Variants in HSPG2 observed in about 807,000 individuals in gnomAD.
The protein encoded by HSPG2 is heparan sulfate proteoglycan 2.
Under a neutral mutation model 526.6 loss-of-function variants are expected in HSPG2, and 278 were observed. The ratio of observed to expected loss-of-function variants is 0.53; its 90% CI spans 0.48 to 0.58. The LOEUF is 0.58. HSPG2 is among the 20% of genes least tolerant of loss of function. The probability of loss-of-function intolerance (pLI) is 0.00; values close to 1 mark genes in which losing one functional copy is unlikely to be tolerated. For missense variants in HSPG2, 5,354 were observed against 6,099.5 expected, an observed-to-expected ratio of 0.88 and a Z score of 4.07; for synonymous variants, 2,465 against 2,555.4, an observed-to-expected ratio of 0.96 and a Z score of 1.07.
rs757496076 is a variant in HSPG2, at chr1:21,841,088, GC to G, written c.9513+12del. On this transcript the variant is annotated intron_variant, in intron 71 of 96. Transcript: ENST00000374695. ...ACTGGGCCTCAGACCCAGAGAGGCA[GC>G]CCCGGCTTCACCTGCAGCACCGCGT... is the stretch of plus-strand genomic sequence containing the variant. 1.3e-6 allele frequency: 2 copies of G among 1,585,544 alleles called. No homozygotes were observed. Among genetic ancestry groups the G allele is most frequent in the South Asian group, 2.3e-5 (2 of 87,964 alleles).
At chr1:21,924,753 C>T (rs1347972603) in intron 1 of HSPG2, among the ~76,000 whole-genome samples, 2 of 152,080 alleles carry the variant, frequency 1.3e-5, no homozygotes, top group African/African-American at 4.8e-5. Context: ...TGGCAGCAAG[C>T]GAGTGTCTTC....
At position 21,920,632 on chromosome 1, in the gene HSPG2, G is replaced by C. The variant is rs10917063; in HGVS notation, c.63+16523C>G. 7.6e-3 allele frequency among the ~76,000 whole-genome samples: 1,150 copies of C among 152,292 alleles called. 15 individuals are homozygous for C. The highest frequency in any genetic ancestry group is 0.026 in the African/African-American group (1,079 of 41,562). On this transcript the variant is annotated intron_variant, in intron 1 of 96. Coordinates refer to ENST00000374695, the MANE Select transcript of HSPG2 (RefSeq NM_005529.7). ...CGTACTCTCTCTGCAACCTCAGCCT[G>C]CCTGCTTCACACATTCCTGTTGGAG...
At position 21,876,606 on chromosome 1, in the gene HSPG2, A is replaced by C; in HGVS notation, c.2732T>G (p.Phe911Cys). Residue 911 changes from phenylalanine to cysteine, a missense_variant, in exon 22 of 97, where the codon TTC becomes TGC. Transcript: ENST00000374695. ...RLCNECADGS[F>C]HLSTRNPDGC... ...ATCGGGGTTTCGGGTACTCAGGTGG[A>C]AAGAGCCGTCAGCACATTCATTGCA... is the stretch of plus-strand genomic sequence containing the variant. 1 of 1,614,244 alleles carries C rather than the reference A, an allele frequency of 6.2e-7. No homozygotes were observed. The highest frequency in any genetic ancestry group is 8.5e-7 in the Non-Finnish European group (1 of 1,180,046).
In HSPG2 at chr1:21,874,023, G is replaced by A. The variant is rs1174997107; in HGVS notation, c.3657-12C>T. 1 of 1,592,212 alleles carries A rather than the reference G, an allele frequency of 6.3e-7. No individual in the cohort carries two copies. Among genetic ancestry groups the A allele is most frequent in the Admixed American group, 1.7e-5 (1 of 57,266 alleles). The stretch of plus-strand genomic sequence containing the variant: ...AAGTGTGGGCAGCCCTGAGTGTGGG[G>A]GCAGATTTCTAGTCAGGAACGCAGT... On this transcript the variant is annotated splice_polypyrimidine_tract_variant and intron_variant, in intron 28 of 96. Coordinates refer to ENST00000374695, the MANE Select transcript of HSPG2 (RefSeq NM_005529.7).
rs920692698 is a variant in HSPG2, at chr1:21,895,108, G to A, written c.244+814C>T. Among the ~76,000 whole-genome samples the A allele has an allele frequency of 2.1e-5, 3 of 142,654 alleles. No individual in the cohort carries two copies. The highest frequency in any genetic ancestry group is 7.1e-5 in the Admixed American group (1 of 14,146). The allele number at this position is 142,654 out of a possible 152,430, so 93.6% of individuals were successfully genotyped here. A position where few individuals can be genotyped will look rare whatever the true frequency, so the allele number is the denominator to read the frequency against. On this transcript the variant is annotated intron_variant, in intron 3 of 96. Coordinates refer to ENST00000374695, the MANE Select transcript of HSPG2 (RefSeq NM_005529.7). The surrounding 1 kb of genome is among the most constrained non-coding windows in gnomAD (Gnocchi z 4.1). ...CAGATTTGGCCAAGGCCTGCCTAGG[G>A]TGAAGGCAGCCCTGGATGCCACGGG... is the stretch of plus-strand genomic sequence containing the variant.
chr1:21,833,270 T>A lies in HSPG2; in HGVS notation c.11093A>T (p.Asp3698Val). 6.2e-7 allele frequency: 1 copy of A among 1,613,490 alleles called. No individual in the cohort carries two copies. The highest frequency in any genetic ancestry group is 8.5e-7 in the Non-Finnish European group (1 of 1,179,470). The change falls in exon 80 of 97, where the codon GAT becomes GTT. Residue 3698 changes from aspartate to valine, a missense_variant and splice_region_variant. Transcript: ENST00000374695. ...CGCAAATTAACCCTCCTGCTCACCA[T>A]CGGCTGAGTCGGGCCGGAAGGTGAT... is the stretch of plus-strand genomic sequence containing the variant. Reference protein sequence around the residue: ...IKITFRPDSADGMLLYNGQKR... With the variant: ...IKITFRPDSAVGMLLYNGQKR...
intron 1 of HSPG2, among the ~76,000 whole-genome samples, chr1:21,897,161 A>C (rs1642811273): frequency 6.6e-6 from 1 of 152,236 alleles, no homozygotes; most frequent in South Asian, 2.1e-4. Context: ...ATTCCAAAGC[A>C]GTTTTACCAA....
In HSPG2 at chr1:21,834,947, T is replaced by G; in HGVS notation, c.10454-2A>C. The G allele has an allele frequency of 6.2e-7, 1 of 1,611,262 alleles. No individual in the cohort carries two copies. Among genetic ancestry groups the G allele is most frequent in the Non-Finnish European group, 8.5e-7 (1 of 1,179,974 alleles). On this transcript the variant is annotated splice_acceptor_variant, in intron 76 of 96. Transcript: ENST00000374695. LOFTEE classifies it high-confidence loss of function. The stretch of plus-strand genomic sequence containing the variant: ...TGTTGATGAGCACCGAGGGCAGGGC[T>G]GGGGAGGAGGGAGGCAGAGGTCCAG...
chr1:21,925,674 A>G (rs949731313), intron 1 of HSPG2, among the ~76,000 whole-genome samples: 9 of 152,160 alleles, frequency 5.9e-5, no homozygotes, highest in Non-Finnish European at 1.3e-4. Flanking sequence ...GCAGACATGC[A>G]GCCTCCTATA....
rs764240805 is a variant in HSPG2, at chr1:21,847,643, C to G, written c.8025+46G>C. On this transcript the variant is annotated intron_variant, in intron 61 of 96. Coordinates refer to ENST00000374695, the MANE Select transcript of HSPG2 (RefSeq NM_005529.7). This position sits in a 1 kb window ranked among gnomAD's most constrained non-coding sequence, Gnocchi z 4.1. ...GACAGGGAGCCTGCTCTGCTCACCC[C>G]AGGAGACCATGGTTCCACCCCCGCT... 5.0e-6 allele frequency: 8 copies of G among 1,602,042 alleles called. No homozygotes were observed. In the South Asian group the frequency reaches 7.8e-5, roughly 16 times the overall value.
At chr1:21,880,878 C>G (rs1253897096) in intron 14 of HSPG2, 43 bp from the exon 15 acceptor site, 2 of 1,547,178 alleles carry the variant, frequency 1.3e-6, no homozygotes, top group Admixed American at 3.8e-5. Flanking sequence ...TGTGGGCACA[C>G]TTGACACCTC....
intron 2 of HSPG2, 79 bp from the exon 3 acceptor site, chr1:21,896,045 C>G: frequency 6.3e-7 from 1 of 1,587,698 alleles, no homozygotes; most frequent in Non-Finnish European, 8.6e-7. Context: ...CTGTTCTGGG[C>G]ACCTAGTATA....
Position 21,828,990 on chromosome 1 carries a change from G to A in HSPG2, c.12082C>T (p.Arg4028Trp), listed in dbSNP as rs759213540. Reference sequence around the variant, plus strand: ...AGCACAGGGCGTCCACCATTCACCCGCAGGCTGCCGTCCTTGTTGAGACGC... The same window carrying A: ...AGCACAGGGCGTCCACCATTCACCCACAGGCTGCCGTCCTTGTTGAGACGC... ...AERLNKDGSLRVNGGRPVLRS... is the reference protein window; with the variant it reads ...AERLNKDGSLWVNGGRPVLRS... Residue 4028 changes from arginine to tryptophan, a missense_variant, in exon 88 of 97, where the codon CGG (arginine) becomes TGG (tryptophan). Coordinates refer to ENST00000374695, the MANE Select transcript of HSPG2 (RefSeq NM_005529.7). The surrounding 1 kb of genome is among the most constrained non-coding windows in gnomAD (Gnocchi z 6.0). 88 of 1,570,972 alleles carry A rather than the reference G, an allele frequency of 5.6e-5. 1 individual carries two copies. Among genetic ancestry groups the A allele is most frequent in the South Asian group, 3.0e-4 (26 of 85,440 alleles).
chr1:21,855,119 C>A, intron 47 of HSPG2, 136 bp from the exon 48 acceptor site: 2 of 1,362,344 alleles, frequency 1.5e-6, no homozygotes, highest in Non-Finnish European at 2.0e-6. Context: ...GGAGGACAAA[C>A]GCCAGGCAGC....
Position 21,895,812 on chromosome 1 carries a change from C to G in HSPG2, c.244+110G>C, listed in dbSNP as rs548367217. 2 of 987,796 alleles carry G rather than the reference C, an allele frequency of 2.0e-6. No homozygotes were observed. The highest frequency in any genetic ancestry group is 3.2e-6 in the Non-Finnish European group (2 of 618,596). The allele number at this position is 987,796 out of a possible 1,614,324, so 61.2% of individuals were successfully genotyped here. On this transcript the variant is annotated intron_variant, in intron 3 of 96. Transcript: ENST00000374695. This position sits in a 1 kb window ranked among gnomAD's most constrained non-coding sequence, Gnocchi z 4.1. The stretch of plus-strand genomic sequence containing the variant: ...GGTTAAGAGATCACACCCACTTCTT[C>G]TTGCTTTGTACCCCAGGGCAGGCCC...
At position 21,842,093 on chromosome 1, in the gene HSPG2, C is replaced by CT. The variant is rs1557697294; in HGVS notation, c.9101dup (p.Gln3035AlafsTer13). On this transcript the variant is annotated frameshift_variant, in exon 69 of 97. Transcript: ENST00000374695. LOFTEE classifies it high-confidence loss of function. ...ACTTGAAGCTGGCATCCTGGCCCTG[C>CT]TGCACGGTGCTGCTGGGCGGGTCGA... The CT allele has an allele frequency of 6.2e-7, 1 of 1,613,666 alleles. No individual in the cohort carries two copies. The highest frequency in any genetic ancestry group is 8.5e-7 in the Non-Finnish European group (1 of 1,180,002).
chr1:21,926,433 G>C (rs1644193330), intron 1 of HSPG2, among the ~76,000 whole-genome samples: 1 of 152,116 alleles, frequency 6.6e-6, no homozygotes. Flanking sequence ...CAAGGCAAAA[G>C]GCAGGAAAGG....
rs761836695 is a variant in HSPG2, at chr1:21,850,469, T to C, written c.7188A>G (p.Gln2396=). The C allele has an allele frequency of 6.2e-7, 1 of 1,611,794 alleles. No homozygotes were observed. Among genetic ancestry groups the C allele is most frequent in the Admixed American group, 1.7e-5 (1 of 59,898 alleles). ...QTHGSLLRLY[Q]ASPADSGEYV... Reference sequence around the variant, plus strand: ...ACTCGCCCGAGTCGGCGGGGGACGCTTGGTAGAGTCTCAGCAGGGAGCCGT... The same window carrying C: ...ACTCGCCCGAGTCGGCGGGGGACGCCTGGTAGAGTCTCAGCAGGGAGCCGT... Residue 2396 remains glutamine, a synonymous_variant, in exon 56 of 97, where the codon CAA becomes CAG. Transcript: ENST00000374695.
At chr1:21,885,557 G>A (rs1016368557) in intron 9 of HSPG2, 106 bp from the exon 10 acceptor site, 16 of 1,276,444 alleles carry the variant, frequency 1.3e-5, no homozygotes, top group Admixed American at 5.8e-5. Context: ...AGCGGCCCTC[G>A]CCATGCCTAG....
Sources: allele counts gnomAD v4.1 joint callset (sites outside exome capture counted in the v4.1 genomes callset), GRCh38; gene constraint gnomAD v4.1.1; non-coding constraint Gnocchi (gnomAD v3.1); transcripts MANE v1.5; gene names NCBI Gene and HGNC (gene_info 2026-07-23, HGNC 2026-07-21).